RIMBP2: variants seen among roughly 807,000 people sequenced by gnomAD.
RIMBP2 encodes the protein RIMS binding protein 2.
Under a neutral mutation model 118.6 loss-of-function variants are expected in RIMBP2, and 48 were observed. The ratio of observed to expected loss-of-function variants is 0.40; its 90% confidence interval spans 0.32 to 0.51. The LOEUF (loss-of-function observed/expected upper bound fraction) is 0.51, where lower values mean the gene tolerates loss of function less well. RIMBP2 is among the 20% of genes least tolerant of loss of function. The pLI is 0.41. For missense variants in RIMBP2, 1,551 were observed against 1,768.3 expected (o/e 0.88, Z 2.20); for synonymous variants, 762 against 742.9 (o/e 1.03, Z -0.42).
intron 1 of RIMBP2, among the ~76,000 whole-genome samples, chr12:130,671,929 G>C (rs2064217006): frequency 6.6e-6 from 1 of 152,208 alleles, no homozygotes; most frequent in South Asian, 2.1e-4. Context: ...ATGCCACTTA[G>C]AAGAAAATTA....
intron 2 of RIMBP2, among the ~76,000 whole-genome samples, chr12:130,565,337 G>A (rs911623942): frequency 6.6e-5 from 10 of 152,142 alleles, no homozygotes; most frequent in African/African-American, 2.4e-4. Context: ...AGGGTATGGA[G>A]GATTTTAAAC....
chr12:130,568,274 G>A (rs1374508076), intron 2 of RIMBP2, among the ~76,000 whole-genome samples: 1 of 152,214 alleles, frequency 6.6e-6, no homozygotes, highest in Non-Finnish European at 1.5e-5. Flanking sequence ...GGGGGTGTGG[G>A]GGTTTGAGAA....
intron 11 of RIMBP2, among the ~76,000 whole-genome samples, chr12:130,440,881 C>T (rs377674427): frequency 3.3e-5 from 5 of 152,074 alleles, no homozygotes; most frequent in Non-Finnish European, 5.9e-5. Flanking sequence ...TGGAGGCTTC[C>T]GGAGGTGGGG....
intron 1 of RIMBP2, among the ~76,000 whole-genome samples, chr12:130,676,218 G>A (rs1326613201): frequency 6.6e-6 from 1 of 151,364 alleles, no homozygotes; most frequent in Admixed American, 6.6e-5. Context: ...GGACACACAT[G>A]TGTTCACACA....
chr12:130,473,773 C>A (rs1723612165), intron 5 of RIMBP2, among the ~76,000 whole-genome samples: 1 of 152,192 alleles, frequency 6.6e-6, no homozygotes, highest in African/African-American at 2.4e-5. Flanking sequence ...GAAACTAACA[C>A]AGAGGGTCAG....
chr12:130,593,707 T>A (rs1270742049), intron 2 of RIMBP2, among the ~76,000 whole-genome samples: 1 of 152,198 alleles, frequency 6.6e-6, no homozygotes, highest in African/African-American at 2.4e-5. Flanking sequence ...TTAGCAAGTA[T>A]TTTTTTCTAA....
intron 6 of RIMBP2, among the ~76,000 whole-genome samples, chr12:130,460,161 T>G (rs1201377214): frequency 6.6e-6 from 1 of 152,148 alleles, no homozygotes; most frequent in Non-Finnish European, 1.5e-5. Flanking sequence ...GGGGCCGCTG[T>G]GTCATCACAG....
intron 2 of RIMBP2, among the ~76,000 whole-genome samples, chr12:130,541,646 G>A (rs2054612121): frequency 6.6e-6 from 1 of 152,190 alleles, no homozygotes; most frequent in South Asian, 2.1e-4. Flanking sequence ...CTTTGCCAAG[G>A]GAAATTGGAA....
At chr12:130,546,485 G>A (rs2055180674) in intron 2 of RIMBP2, among the ~76,000 whole-genome samples, 1 of 152,030 alleles carries the variant, frequency 6.6e-6, no homozygotes, top group African/African-American at 2.4e-5. Flanking sequence ...TAGTAGAGAT[G>A]GGGTTTTGCC....
intron 2 of RIMBP2, among the ~76,000 whole-genome samples, chr12:130,587,831 AAAAAAAAAAAAG>A (rs1196096305): frequency 8.9e-6 from 1 of 111,936 alleles, no homozygotes; most frequent in Non-Finnish European, 1.9e-5. Flanking sequence ...AAGTATAATA[AAAAAAAAAAAAG>A]AAAAAAAAAA....
At position 130,622,334 on chromosome 12, in the gene RIMBP2, T is replaced by C. The variant is rs1252633308; in HGVS notation, c.-217+5988A>G. On this transcript the variant is annotated intron_variant, in intron 2 of 22. Transcript: ENST00000690449. This position sits in a 1 kb window ranked among gnomAD's most constrained non-coding sequence, Gnocchi z 8.5. ...TGTGCCCACTGTTAACTGACCCTCT[T>C]TCTTTAAATGGGCTTGTGTTTTACA... 3.3e-5 allele frequency among the ~76,000 whole-genome samples: 5 copies of C among 152,296 alleles called. No individual in the cohort carries two copies. Among genetic ancestry groups the C allele is most frequent in the Non-Finnish European group, 5.9e-5 (4 of 68,018 alleles).
chr12:130,654,479 T>C (rs1165620907), intron 1 of RIMBP2, among the ~76,000 whole-genome samples: 1 of 152,210 alleles, frequency 6.6e-6, no homozygotes, highest in African/African-American at 2.4e-5. Context: ...ACTGTCCAAA[T>C]CACTATTGGC....
intron 14 of RIMBP2, chr12:130,430,068 C>G (rs2077059379): frequency 6.6e-6 from 1 of 152,262 alleles, no homozygotes; most frequent in South Asian, 2.1e-4. Context: ...GGTCAGCCCT[C>G]TCTCCATTCT....
At chr12:130,572,420 G>A (rs1392480194) in intron 2 of RIMBP2, among the ~76,000 whole-genome samples, 1 of 152,062 alleles carries the variant, frequency 6.6e-6, no homozygotes, top group Non-Finnish European at 1.5e-5. Flanking sequence ...TGAGCATCAG[G>A]TATAGAAGGG....
At chr12:130,451,584 G>T (rs376432874) in intron 7 of RIMBP2, among the ~76,000 whole-genome samples, 146 of 152,374 alleles carry the variant, frequency 9.6e-4, no homozygotes, top group African/African-American at 3.3e-3. Context: ...GGCTCAGGAC[G>T]AGGATGGTCC....
At chr12:130,421,119 ATT>A (rs2076381150) in intron 17 of RIMBP2, 1 of 152,176 alleles carries the variant, frequency 6.6e-6, no homozygotes, top group Non-Finnish European at 1.5e-5. Flanking sequence ...CGGACAGGTC[ATT>A]TAACATGAAA....
rs568591279 is a variant in RIMBP2 at position 130,449,476 on chromosome 12, G to A, written c.581+724C>T. ...CCCACTCAGCGGCTGTCATCGCAGC[G>A]AGATGCAGCCTGCAGCGCCCAGCAG... is the stretch of plus-strand genomic sequence containing the variant. On this transcript the variant is annotated intron_variant, in intron 9 of 22. Transcript: ENST00000690449. 4.1e-4 allele frequency among the ~76,000 whole-genome samples: 63 copies of A among 152,132 alleles called. 1 individual carries two copies. The highest frequency in any genetic ancestry group is 7.8e-4 in the Non-Finnish European group (53 of 68,032).
intron 2 of RIMBP2, among the ~76,000 whole-genome samples, chr12:130,535,068 A>T (rs2053867761): frequency 1.3e-5 from 2 of 152,366 alleles, no homozygotes; most frequent in Non-Finnish European, 2.9e-5. Context: ...TAGCAAGCTC[A>T]CGTCAGACCT....
intron 2 of RIMBP2, among the ~76,000 whole-genome samples, chr12:130,611,870 G>A (rs1026723531): frequency 5.9e-5 from 9 of 152,302 alleles, no homozygotes; most frequent in South Asian, 4.1e-4. Context: ...CATGCAGGGC[G>A]CCTGCAAGAG....
Sources: allele counts gnomAD v4.1 joint callset (sites outside exome capture counted in the v4.1 genomes callset), GRCh38; gene constraint gnomAD v4.1.1; non-coding constraint Gnocchi (gnomAD v3.1); transcripts MANE v1.5; gene names NCBI Gene and HGNC (gene_info 2026-07-23, HGNC 2026-07-21).